Variants in POLH observed in about 807,000 individuals in gnomAD.
POLH encodes DNA polymerase eta transcript.
A neutral mutation model predicts 73.6 loss-of-function variants in POLH; 53 were observed. The observed-to-expected ratio is 0.72, with a 90% CI of 0.58 to 0.91. POLH has a LOEUF of 0.91. Among genes scored for constraint, POLH ranks in the 40% least tolerant of loss-of-function variants. The pLI, the probability that POLH is intolerant of heterozygous loss-of-function variation, is 0.00. For missense variants in POLH, 768 were observed against 865.4 expected (o/e 0.89, Z 1.41); for synonymous variants, 292 against 308.5 (o/e 0.95, Z 0.56).
Position 43,613,736 on chromosome 6 carries a change from ACCAGCTTCTTGAGCAGTGACCCAAGTTCT to A in POLH, c.1323_1351del (p.Ser442AlafsTer11). The A allele has an allele frequency of 6.2e-7, 1 of 1,613,670 alleles. No homozygotes were observed. The highest frequency in any genetic ancestry group is 8.5e-7 in the Non-Finnish European group (1 of 1,179,920). Reference sequence around the variant, plus strand: ...TGCCCCTTCATCTTCTACAGACATCACCAGCTTCTTGAGCAGTGACCCAAGTTCTCTGCCAAAGGTGCCAGTTACCAGCT... The same window carrying A: ...TGCCCCTTCATCTTCTACAGACATCACTGCCAAAGGTGCCAGTTACCAGCT... On this transcript the variant is annotated frameshift_variant, in exon 11 of 11. Transcript: ENST00000372236. LOFTEE classifies it high-confidence loss of function.
intron 4 of POLH, among the ~76,000 whole-genome samples, chr6:43,596,995 A>G (rs1766134286): frequency 6.6e-6 from 1 of 152,238 alleles, no homozygotes; most frequent in Non-Finnish European, 1.5e-5. Flanking sequence ...AGCTTGAGTT[A>G]ATTCTGAATA....
rs1178952909 is a variant in POLH at position 43,616,519 on chromosome 6, G to GT, written c.*1963dup. On this transcript the variant is annotated 3_prime_UTR_variant, in exon 11 of 11. Transcript: ENST00000372236. ...CAGGAGAATTGCTTGAACCTGGAAG[G>GT]TGGAGGTTGCAGTGAGTTGAGATCA... Among the ~76,000 whole-genome samples, 3 of 151,396 alleles carry GT rather than the reference G, an allele frequency of 2.0e-5. No individual in the cohort carries two copies. The highest frequency in any genetic ancestry group is 4.4e-5 in the Non-Finnish European group (3 of 67,910).
intron 5 of POLH, 95 bp downstream of exon 5, chr6:43,597,960 G>T (rs575829098): frequency 1.7e-6 from 2 of 1,164,322 alleles, no homozygotes; most frequent in Non-Finnish European, 1.3e-6. Context: ...CACATAGGCC[G>T]GGTGCAGTTT....
intron 6 of POLH, among the ~76,000 whole-genome samples, chr6:43,603,201 A>G (rs1434678583): frequency 6.6e-6 from 1 of 151,760 alleles, no homozygotes; most frequent in Non-Finnish European, 1.5e-5. Context: ...ATCTCGGCTC[A>G]CTGTAACCTC....
rs1339944820 is a variant in POLH at position 43,618,788 on chromosome 6, G to A, written c.*4231G>A. 1.3e-5 allele frequency among the ~76,000 whole-genome samples: 2 copies of A among 151,914 alleles called. No individual in the cohort carries two copies. The highest frequency in any genetic ancestry group is 2.4e-5 in the African/African-American group (1 of 41,358). On this transcript the variant is annotated 3_prime_UTR_variant, in exon 11 of 11. Coordinates refer to ENST00000372236, the MANE Select transcript of POLH (RefSeq NM_006502.3). Reference sequence around the variant, plus strand: ...TGGGATTATAGGCATGCACCATCACGCCTGGCTAATTTTTGTATTTTTAGT... The same window carrying A: ...TGGGATTATAGGCATGCACCATCACACCTGGCTAATTTTTGTATTTTTAGT...
Position 43,587,592 on chromosome 6 carries a change from C to T in POLH, c.490+103C>T, listed in dbSNP as rs901539120. On this transcript the variant is annotated intron_variant, in intron 4 of 10. Transcript: ENST00000372236. Reference sequence around the variant, plus strand: ...AATAATTGAAAGGAAACTTAAACTACAGCCTGAATGAATCACAAGGACTCA... The same window carrying T: ...AATAATTGAAAGGAAACTTAAACTATAGCCTGAATGAATCACAAGGACTCA... 7.3e-6 allele frequency: 6 copies of T among 823,836 alleles called. No individual in the cohort carries two copies. The African/African-American group carries it at 8.4e-5, about 12-fold the overall frequency. 51.0% of individuals were successfully genotyped at this position (823,836 alleles called of 1,614,324 possible). A position where few individuals can be genotyped will look rare whatever the true frequency, so the allele number is the denominator to read the frequency against.
chr6:43,595,439 A>G (rs1259950579), intron 4 of POLH, among the ~76,000 whole-genome samples: 3 of 151,618 alleles, frequency 2.0e-5, no homozygotes, highest in African/African-American at 7.3e-5. Flanking sequence ...ATGGCCCAAA[A>G]GATAGTTTTT....
chr6:43,591,541 A>G (rs1349276837), intron 4 of POLH, among the ~76,000 whole-genome samples: 2 of 151,310 alleles, frequency 1.3e-5, no homozygotes, highest in Non-Finnish European at 2.9e-5. Context: ...CTGGTCTCAA[A>G]CTCCTGGCAT....
chr6:43,605,091 C>G (rs1767127652), intron 8 of POLH, among the ~76,000 whole-genome samples, 163 bp from the exon 9 acceptor site: 1 of 152,052 alleles, frequency 6.6e-6, no homozygotes, highest in South Asian at 2.1e-4. Context: ...TAGGGCAGGA[C>G]AGAAGGACTG....
chr6:43,594,893 A>T (rs1002213032), intron 4 of POLH, among the ~76,000 whole-genome samples: 2 of 146,050 alleles, frequency 1.4e-5, no homozygotes, highest in African/African-American at 5.0e-5. Context: ...TTATGGCCAT[A>T]CATGGTGGTT....
rs1768383525 is a variant in POLH, at chr6:43,616,859, T to C, written c.*2302T>C. On this transcript the variant is annotated 3_prime_UTR_variant, in exon 11 of 11. Transcript: ENST00000372236. ...TCTAATGTAGAATTAGATTGCTACT[T>C]GACTAGTTCAGGAACTCTGTTTAGA... Among the ~76,000 whole-genome samples, 1 of 152,254 alleles carries C rather than the reference T, an allele frequency of 6.6e-6. No homozygotes were observed. Among genetic ancestry groups the C allele is most frequent in the Non-Finnish European group, 1.5e-5 (1 of 68,046 alleles).
Position 43,619,298 on chromosome 6 carries a change from G to A in POLH, c.*4741G>A, listed in dbSNP as rs964127454. Among the ~76,000 whole-genome samples, 1 of 146,528 alleles carries A rather than the reference G, an allele frequency of 6.8e-6. No individual in the cohort carries two copies. Among genetic ancestry groups the A allele is most frequent in the Non-Finnish European group, 1.5e-5 (1 of 67,472 alleles). On this transcript the variant is annotated 3_prime_UTR_variant, in exon 11 of 11. Coordinates refer to ENST00000372236, the MANE Select transcript of POLH (RefSeq NM_006502.3). Reference sequence around the variant, plus strand: ...GAGGATCACCTGAATCTGGGAGTTTGGGGCTGCAATAAGCCATGATTGTGC... The same window carrying A: ...GAGGATCACCTGAATCTGGGAGTTTAGGGCTGCAATAAGCCATGATTGTGC...
Position 43,613,913 on chromosome 6 carries a change from T to A in POLH, c.1498T>A (p.Ser500Thr). Residue 500 changes from serine to threonine, a missense_variant, in exon 11 of 11, where the codon TCT becomes ACT. By Grantham distance (58) the Ser-to-Thr change is moderately conservative. Transcript: ENST00000372236. ...GAAAGTTAAAGAAGCTTCGCTTTCA[T>A]CTCTTACTGCTCCCACTCAGGCTCC... ...RQKVKEASLS[S>T]LTAPTQAPMS... The A allele has an allele frequency of 6.2e-7, 1 of 1,613,852 alleles. No homozygotes were observed. The highest frequency in any genetic ancestry group is 8.5e-7 in the Non-Finnish European group (1 of 1,180,040).
Position 43,617,228 on chromosome 6 carries a change from A to G in POLH, c.*2671A>G, listed in dbSNP as rs1323778669. Reference sequence around the variant, plus strand: ...CATCTCTAGAACATTGCTACTCCCAAGTATGATTTGAGGAACAGCAGCCTC... The same window carrying G: ...CATCTCTAGAACATTGCTACTCCCAGGTATGATTTGAGGAACAGCAGCCTC... On this transcript the variant is annotated 3_prime_UTR_variant, in exon 11 of 11. Coordinates refer to ENST00000372236, the MANE Select transcript of POLH (RefSeq NM_006502.3). Among the ~76,000 whole-genome samples the G allele has an allele frequency of 6.6e-6, 1 of 152,172 alleles. No homozygotes were observed. Among genetic ancestry groups the G allele is most frequent in the East Asian group, 1.9e-4 (1 of 5,186 alleles).
At chr6:43,611,268 G>C (rs1050549150) in intron 10 of POLH, among the ~76,000 whole-genome samples, 2 of 152,184 alleles carry the variant, frequency 1.3e-5, no homozygotes, top group South Asian at 4.1e-4. Context: ...AGTTGCACTT[G>C]GAGAACAGAG....
chr6:43,607,784 A>T (rs1767461799), intron 9 of POLH, among the ~76,000 whole-genome samples: 1 of 152,182 alleles, frequency 6.6e-6, no homozygotes, highest in Non-Finnish European at 1.5e-5. Context: ...GGTTTGGCTT[A>T]CATTCTCTGA....
chr6:43,605,205 T>C (rs1266366849), intron 8 of POLH, 49 bp from the exon 9 acceptor site: 5 of 1,074,092 alleles, frequency 4.7e-6, no homozygotes, highest in Non-Finnish European at 7.2e-6. Flanking sequence ...TAGTTCTTAA[T>C]AGACTTCGAG....
chr6:43,610,739 G>C lies in POLH; in HGVS notation c.1244+16G>C. 1 of 1,598,176 alleles carries C rather than the reference G, an allele frequency of 6.3e-7. No individual in the cohort carries two copies. ...AGACAGAATGGTGAGTTCTTTTCTA[G>C]CTCATCTTCTCAGAATAGATGATGA... On this transcript the variant is annotated intron_variant, in intron 10 of 10. Coordinates refer to ENST00000372236, the MANE Select transcript of POLH (RefSeq NM_006502.3).
At chr6:43,610,797 A>G in intron 10 of POLH, 74 bp downstream of exon 10, 3 of 1,267,986 alleles carry the variant, frequency 2.4e-6, no homozygotes, top group South Asian at 1.3e-5. Context: ...ACAAGACATA[A>G]TTTTTATCAT....
Sources: allele counts gnomAD v4.1 joint callset (sites outside exome capture counted in the v4.1 genomes callset), GRCh38; gene constraint gnomAD v4.1.1; transcripts MANE v1.5; gene names NCBI Gene and HGNC (gene_info 2026-07-23, HGNC 2026-07-21).